Variants in KIAA0586 observed in about 807,000 individuals in gnomAD.
KIAA0586 encodes protein TALPID3.
Under a neutral mutation model 169.8 loss-of-function variants are expected in KIAA0586, and 144 were observed. The observed-to-expected ratio is 0.85, with a 90% confidence interval of 0.74 to 0.97. The LOEUF is 0.97. Among genes scored for constraint, KIAA0586 ranks in the 50% least tolerant of loss-of-function variants. The pLI, the probability that KIAA0586 is intolerant of heterozygous loss-of-function variation, is 0.00. For synonymous variants in KIAA0586, 625 were observed against 612.4 expected, an observed-to-expected ratio of 1.02 and a Z score of -0.30; for missense variants, 1,854 against 1,823.0, an observed-to-expected ratio of 1.02 and a Z score of -0.31.
chr14:58,482,799 G>A (rs970802977), intron 21 of KIAA0586, 87 bp downstream of exon 21: 3 of 936,926 alleles, frequency 3.2e-6, no homozygotes, highest in Middle Eastern at 4.6e-4. Context: ...GTTTGTGGTA[G>A]AAGTATTATT....
At chr14:58,434,169 A>T (rs1268396036) in intron 4 of KIAA0586, among the ~76,000 whole-genome samples, 1 of 152,232 alleles carries the variant, frequency 6.6e-6, no homozygotes, top group African/African-American at 2.4e-5. Context: ...GGACAAGTCT[A>T]AGTCAGAAAA....
intron 6 of KIAA0586, among the ~76,000 whole-genome samples, chr14:58,445,495 G>T: frequency 6.7e-6 from 1 of 149,692 alleles, no homozygotes; most frequent in Non-Finnish European, 1.5e-5. Context: ...GTGCAGTGGT[G>T]TGTTTTCGGC....
Position 58,498,939 on chromosome 14 carries a change from C to G in KIAA0586, c.4147C>G (p.Arg1383Gly), listed in dbSNP as rs1015444951. Residue 1383 changes from arginine (R) to glycine (G), a missense_variant, in exon 27 of 31, where the codon CGG (arginine) becomes GGG (glycine). By Grantham distance (125) the Arg-to-Gly change is moderately radical. Transcript: ENST00000652326. Reference sequence around the variant, plus strand: ...ACAATGTGATCCTAAACCATTATCTCGGCAATTTGACACAGTTTCAGGTAG... The same window carrying G: ...ACAATGTGATCCTAAACCATTATCTGGGCAATTTGACACAGTTTCAGGTAG... Reference protein sequence around the residue: ...DQQCDPKPLSRQFDTVSGSIY... With the variant: ...DQQCDPKPLSGQFDTVSGSIY... 1.2e-6 allele frequency: 2 copies of G among 1,604,324 alleles called. No homozygotes were observed. Among genetic ancestry groups the G allele is most frequent in the Admixed American group, 1.7e-5 (1 of 58,420 alleles).
chr14:58,528,939 A>G (rs2139981857), intron 29 of KIAA0586, among the ~76,000 whole-genome samples: 1 of 152,338 alleles, frequency 6.6e-6, no homozygotes, highest in Non-Finnish European at 1.5e-5. Context: ...AAAGATCAAC[A>G]AAATGGATAG....
intron 7 of KIAA0586, among the ~76,000 whole-genome samples, chr14:58,449,678 AG>A (rs1175270813): frequency 6.6e-6 from 1 of 152,254 alleles, no homozygotes; most frequent in African/African-American, 2.4e-5. Flanking sequence ...TGTCAGAGCT[AG>A]GGCCAGAACT....
intron 6 of KIAA0586, among the ~76,000 whole-genome samples, chr14:58,446,612 A>C (rs1432930236): frequency 6.6e-6 from 1 of 152,164 alleles, no homozygotes; most frequent in African/African-American, 2.4e-5. Context: ...ACAAAAATTC[A>C]GAAGAATGTA....
intron 28 of KIAA0586, among the ~76,000 whole-genome samples, chr14:58,511,784 G>A (rs1332483638): frequency 6.6e-6 from 1 of 152,204 alleles, no homozygotes; most frequent in Non-Finnish European, 1.5e-5. Flanking sequence ...CATGTGGACA[G>A]ATGTTTTAGA....
intron 30 of KIAA0586, among the ~76,000 whole-genome samples, chr14:58,541,913 T>C (rs1034500259): frequency 2.0e-4 from 30 of 152,168 alleles, no homozygotes; most frequent in African/African-American, 7.0e-4. Flanking sequence ...AATTACATCA[T>C]AGAGTAATGA....
intron 26 of KIAA0586, among the ~76,000 whole-genome samples, chr14:58,494,965 A>G (rs1247858152): frequency 6.6e-6 from 1 of 152,118 alleles, no homozygotes; most frequent in Admixed American, 6.6e-5. Flanking sequence ...CATTCCTCTC[A>G]CAAAGCCCCT....
At chr14:58,553,409 G>C (rs2047228828), downstream of KIAA0586, among the ~76,000 whole-genome samples, 1 of 151,972 alleles carries the variant, frequency 6.6e-6, no homozygotes, top group African/African-American at 2.4e-5. Flanking sequence ...AACGTATTTT[G>C]CTTCAAAAAA....
intron 10 of KIAA0586, 26 bp downstream of exon 10, chr14:58,456,836 G>C (rs774987869): frequency 1.7e-6 from 2 of 1,147,004 alleles, no homozygotes; most frequent in African/African-American, 1.5e-5. Flanking sequence ...TCTTAAAATT[G>C]ATGATTAGTT....
the KIAA0586 span, among the ~76,000 whole-genome samples, chr14:58,557,899 ATC>A: frequency 2.1e-5 from 1 of 46,620 alleles, no homozygotes. Flanking sequence ...ATCCTGAGAA[ATC>A]TTTTTTTTTT....
chr14:58,507,835 A>G (rs929553712), intron 27 of KIAA0586, among the ~76,000 whole-genome samples: 2 of 151,888 alleles, frequency 1.3e-5, no homozygotes, highest in African/African-American at 4.8e-5. Flanking sequence ...CCCAGACTGG[A>G]GTGCAGTGAT....
chr14:58,457,966 T>A lies in KIAA0586; in HGVS notation c.1570T>A (p.Leu524Ile), dbSNP rs61742715. The A allele has an allele frequency of 5.2e-4, 824 of 1,588,436 alleles. 8 individuals carry two copies. The African/African-American group carries it at 9.8e-3, about 19-fold the overall frequency. The change falls in exon 11 of 31, where the codon TTA becomes ATA. Residue 524 changes from leucine to isoleucine, a missense_variant. By Grantham distance (5) the Leu-to-Ile change is conservative. Coordinates refer to ENST00000652326, the MANE Select transcript of KIAA0586 (RefSeq NM_001329943.3). The stretch of plus-strand genomic sequence containing the variant: ...TGCCATGTATTCGCTTATCAATGCT[T>A]TATCTACCAACAGGTAAGAGGATGT... ...GAAMYSLINA[L>I]STNREMSEKI...
chr14:58,431,858 T>C (rs2037400573), intron 3 of KIAA0586, among the ~76,000 whole-genome samples: 1 of 152,222 alleles, frequency 6.6e-6, no homozygotes, highest in African/African-American at 2.4e-5. Flanking sequence ...GAGTTCTTGA[T>C]TTCATTCTCA....
At chr14:58,484,498 TA>T (rs2042234332) in intron 21 of KIAA0586, among the ~76,000 whole-genome samples, 1 of 152,098 alleles carries the variant, frequency 6.6e-6, no homozygotes, top group South Asian at 2.1e-4. Flanking sequence ...GGACAGAGCT[TA>T]ATCTAGTGCC....
chr14:58,475,874 TG>T lies in KIAA0586; in HGVS notation c.2825+1079del, dbSNP rs200752439. On this transcript the variant is annotated intron_variant, in intron 19 of 30. Transcript: ENST00000652326. ...CAGCACTTTGAGAGGCCAAGGTGAG[TG>T]GATCACCTGAGGTCAGGAGTTCGAG... Among the ~76,000 whole-genome samples, 47 of 152,142 alleles carry T rather than the reference TG, an allele frequency of 3.1e-4. 1 individual carries two copies. In the East Asian group the frequency reaches 8.3e-3, roughly 27 times the overall value.
intron 29 of KIAA0586, among the ~76,000 whole-genome samples, chr14:58,514,091 A>T (rs1347775536): frequency 6.6e-6 from 1 of 152,128 alleles, no homozygotes; most frequent in Admixed American, 6.5e-5. Flanking sequence ...AATACAGGCG[A>T]AGTCTTTCAC....
rs141811011 is a variant in KIAA0586 at position 58,525,598 on chromosome 14, C to G, written c.4429+12971C>G. 3.1e-3 allele frequency among the ~76,000 whole-genome samples: 468 copies of G among 152,300 alleles called. 3 individuals carry two copies. The highest frequency in any genetic ancestry group is 0.011 in the African/African-American group (446 of 41,552). On this transcript the variant is annotated intron_variant, in intron 29 of 30. Coordinates refer to ENST00000652326, the MANE Select transcript of KIAA0586 (RefSeq NM_001329943.3). ...GAGATTCCCTCAGGTGCCTACACCA[C>G]GAGGGCCCTAGGTTTCAAGCACAAA...
Sources: allele counts gnomAD v4.1 joint callset (sites outside exome capture counted in the v4.1 genomes callset), GRCh38; gene constraint gnomAD v4.1.1; transcripts MANE v1.5; gene names NCBI Gene and HGNC (gene_info 2026-07-23, HGNC 2026-07-21).